The following CCDC92 variants were observed in gnomAD, a reference collection of about 807,000 sequenced individuals.
CCDC92 encodes coiled-coil domain containing 92, also known as coiled-coil domain-containing protein 92.
Under a neutral mutation model 24.9 loss-of-function variants are expected in CCDC92, and 12 were observed. The ratio of observed to expected loss-of-function variants is 0.48; its 90% CI spans 0.31 to 0.78. The LOEUF is 0.78. CCDC92 is among the 30% of genes least tolerant of loss of function. CCDC92 has a pLI of 0.05. For missense variants in CCDC92, 399 were observed against 439.4 expected, an observed-to-expected ratio of 0.91 and a Z score of 0.82; for synonymous variants, 193 against 196.3, an observed-to-expected ratio of 0.98 and a Z score of 0.14.
At chr12:123,950,522 T>TAACAAAGCAGCAAGACTAGCTTAGGAAGA (rs1955999114) in intron 1 of CCDC92, among the ~76,000 whole-genome samples, 2 of 152,138 alleles carry the variant, frequency 1.3e-5, no homozygotes, top group African/African-American at 4.8e-5. Context: ...TCTGGGGCCT[T>TAACAAAGCAGCAAGACTAGCTTAGGAAGA]AACAAAGCAG....
At chr12:123,946,705 G>T (rs554526301) in intron 1 of CCDC92, 1 of 152,488 alleles carries the variant, frequency 6.6e-6, no homozygotes, top group Non-Finnish European at 1.5e-5. Flanking sequence ...CCAGAGGAAT[G>T]TAAGGGCTTC....
chr12:123,969,461 GTTTTTTT>G (rs60485501), intron 1 of CCDC92, among the ~76,000 whole-genome samples: 15 of 93,044 alleles, frequency 1.6e-4, no homozygotes, highest in African/African-American at 3.2e-4. Flanking sequence ...CTCTTATTCA[GTTTTTTT>G]TTTTTTTTTT....
chr12:123,964,611 C>G (rs138331516), intron 1 of CCDC92, among the ~76,000 whole-genome samples: 193 of 152,238 alleles, frequency 1.3e-3, no homozygotes, highest in African/African-American at 4.4e-3. Context: ...TTCACAAAGG[C>G]TAAATTAAAT....
chr12:123,960,957 T>C (rs1258313409), intron 1 of CCDC92: 1 of 152,242 alleles, frequency 6.6e-6, no homozygotes, highest in Non-Finnish European at 1.5e-5. Context: ...GATTCTCCTT[T>C]TAAATATGCA....
rs1011724540 is a variant in CCDC92, at chr12:123,937,235, G to A, written c.819C>T (p.Ser273=). The A allele has an allele frequency of 5.6e-6, 9 of 1,610,244 alleles. No homozygotes were observed. The highest frequency in any genetic ancestry group is 4.5e-5 in the East Asian group (2 of 44,870). Residue 273 remains serine, a synonymous_variant, in exon 5 of 5, where the codon AGC becomes AGT. Transcript: ENST00000238156. This position sits in a 1 kb window ranked among gnomAD's most constrained non-coding sequence, Gnocchi z 8.4. ...CGCGGGCCGGGCTGTGCTGCTCGCCGCTTCGGTCGGAGGCGATGGGGGGGA... is the reference window on the plus strand; with the variant it reads ...CGCGGGCCGGGCTGTGCTGCTCGCCACTTCGGTCGGAGGCGATGGGGGGGA... The part of the protein sequence containing the change: ...LVIPPIASDR[S]GEQHSPAREK...
rs1440878962 is a variant in CCDC92 at position 123,937,251 on chromosome 12, A to T, written c.803T>A (p.Ile268Asn). The change falls in exon 5 of 5, where the codon ATC (isoleucine) becomes AAC (asparagine). Residue 268 changes from isoleucine to asparagine, a missense_variant. By Grantham distance (149) the Ile-to-Asn change is moderately radical (BLOSUM62 -3). Coordinates refer to ENST00000238156, the MANE Select transcript of CCDC92 (RefSeq NM_025140.3). This position sits in a 1 kb window ranked among gnomAD's most constrained non-coding sequence, Gnocchi z 8.4. Reference sequence around the variant, plus strand: ...CTGCTCGCCGCTTCGGTCGGAGGCGATGGGGGGGATGACGAGGGGCCTCTC... The same window carrying T: ...CTGCTCGCCGCTTCGGTCGGAGGCGTTGGGGGGGATGACGAGGGGCCTCTC... The part of the protein sequence containing the change: ...IKERPLVIPP[I>N]ASDRSGEQHS... 1.2e-6 allele frequency: 2 copies of T among 1,611,056 alleles called. No individual in the cohort carries two copies. Among genetic ancestry groups the T allele is most frequent in the South Asian group, 2.2e-5 (2 of 91,062 alleles).
At chr12:123,963,839 G>A (rs1956330003) in intron 1 of CCDC92, among the ~76,000 whole-genome samples, 1 of 152,154 alleles carries the variant, frequency 6.6e-6, no homozygotes, top group Non-Finnish European at 1.5e-5. Context: ...AAACTTTGAT[G>A]TTTAAAGGCT....
chr12:123,968,780 T>A (rs1436161834), intron 1 of CCDC92, among the ~76,000 whole-genome samples: 1 of 152,142 alleles, frequency 6.6e-6, no homozygotes, highest in African/African-American at 2.4e-5. Flanking sequence ...CAAGACAGAG[T>A]AACTATTTTA....
intron 1 of CCDC92, chr12:123,961,025 T>C (rs1956260276): frequency 6.6e-6 from 1 of 152,240 alleles, no homozygotes; most frequent in Admixed American, 6.5e-5. Context: ...GTGTACTCAG[T>C]CCTATGCTTA....
chr12:123,944,252 C>T lies in CCDC92; in HGVS notation c.34+20G>A, dbSNP rs748880097. Reference sequence around the variant, plus strand: ...CCCAGCTTCCAGCATCTGATGCTCACTCAGGGCCCCAGACTCTACCTTCAT... The same window carrying T: ...CCCAGCTTCCAGCATCTGATGCTCATTCAGGGCCCCAGACTCTACCTTCAT... On this transcript the variant is annotated intron_variant, in intron 2 of 4. Transcript: ENST00000238156. 2.0e-6 allele frequency: 3 copies of T among 1,527,650 alleles called. No homozygotes were observed. In the South Asian group the frequency reaches 3.4e-5, roughly 17 times the overall value. 94.6% of individuals were successfully genotyped at this position (1,527,650 alleles called of 1,614,324 possible).
At chr12:123,954,211 G>A (rs1332901813) in intron 1 of CCDC92, among the ~76,000 whole-genome samples, 1 of 152,140 alleles carries the variant, frequency 6.6e-6, no homozygotes, top group African/African-American at 2.4e-5. Context: ...CCATCACCAA[G>A]AATAATTAAT....
At position 123,943,368 on chromosome 12, in the gene CCDC92, G is replaced by T; in HGVS notation, c.160C>A (p.Arg54=). The T allele has an allele frequency of 6.2e-7, 1 of 1,613,636 alleles. No homozygotes were observed. Among genetic ancestry groups the T allele is most frequent in the Non-Finnish European group, 8.5e-7 (1 of 1,180,012 alleles). Residue 54 remains arginine (R), a synonymous_variant, in exon 3 of 5, where the codon CGG becomes AGG. Coordinates refer to ENST00000238156, the MANE Select transcript of CCDC92 (RefSeq NM_025140.3). ...TLKGLHSEIR[R]LQQHCTDLTY... Reference sequence around the variant, plus strand: ...GTACCTGTGCAGTGCTGCTGCAGCCGCCTGATCTCGGAGTGCAGCCCCTTG... The same window carrying T: ...GTACCTGTGCAGTGCTGCTGCAGCCTCCTGATCTCGGAGTGCAGCCCCTTG...
At chr12:123,971,097 G>A (rs1389413101) in intron 1 of CCDC92, among the ~76,000 whole-genome samples, 1 of 152,178 alleles carries the variant, frequency 6.6e-6, no homozygotes, top group Non-Finnish European at 1.5e-5. Context: ...ATGTGTCACA[G>A]TAAAAATCTC....
Position 123,937,391 on chromosome 12 carries a change from G to A in CCDC92, c.663C>T (p.Val221=). 2 of 1,613,984 alleles carry A rather than the reference G, an allele frequency of 1.2e-6. No individual in the cohort carries two copies. Among genetic ancestry groups the A allele is most frequent in the South Asian group, 2.2e-5 (2 of 91,084 alleles). The part of the protein sequence containing the change: ...SAPLHPEFEE[V]YRFGAESRKL... Reference sequence around the variant, plus strand: ...TCCTGCTCTCTGCCCCGAATCTGTAGACCTCTTCAAATTCCGGGTGCAAGG... The same window carrying A: ...TCCTGCTCTCTGCCCCGAATCTGTAAACCTCTTCAAATTCCGGGTGCAAGG... Residue 221 remains valine, a synonymous_variant, in exon 5 of 5, where the codon GTC becomes GTT. Transcript: ENST00000238156. This position sits in a 1 kb window ranked among gnomAD's most constrained non-coding sequence, Gnocchi z 8.4.
intron 1 of CCDC92, among the ~76,000 whole-genome samples, chr12:123,955,900 G>T (rs1383429382): frequency 2.0e-5 from 3 of 152,182 alleles, no homozygotes; most frequent in African/African-American, 7.2e-5. Flanking sequence ...ATAAAGAGAC[G>T]TTATCCTTGT....
intron 1 of CCDC92, chr12:123,971,776 G>C (rs1016116663): frequency 2.2e-4 from 34 of 152,298 alleles, no homozygotes; most frequent in Admixed American, 2.2e-3. Flanking sequence ...GCCAAGCCTG[G>C]AGCTCTGCTG....
chr12:123,969,034 G>C (rs1164242450), intron 1 of CCDC92, among the ~76,000 whole-genome samples: 1 of 152,164 alleles, frequency 6.6e-6, no homozygotes, highest in East Asian at 1.9e-4. Context: ...ACTCTGCTCT[G>C]CTTCTTAGCC....
In CCDC92 at chr12:123,937,367, C is replaced by A; in HGVS notation, c.687G>T (p.Arg229Ser). Residue 229 changes from arginine (R) to serine (S), a missense_variant, in exon 5 of 5, where the codon AGG becomes AGT. Transcript: ENST00000238156. This position sits in a 1 kb window ranked among gnomAD's most constrained non-coding sequence, Gnocchi z 8.4. ...CCACTGGTTCCCGCAAAAGGAGTTT[C>A]CTGCTCTCTGCCCCGAATCTGTAGA... is the stretch of plus-strand genomic sequence containing the variant. Reference protein sequence around the residue: ...EEVYRFGAESRKLLLREPVDA... With the variant: ...EEVYRFGAESSKLLLREPVDA... 6.2e-7 allele frequency: 1 copy of A among 1,614,064 alleles called. No individual in the cohort carries two copies. Among genetic ancestry groups the A allele is most frequent in the Non-Finnish European group, 8.5e-7 (1 of 1,180,034 alleles).
At chr12:123,956,971 T>C (rs988733210) in intron 1 of CCDC92, among the ~76,000 whole-genome samples, 3 of 152,252 alleles carry the variant, frequency 2.0e-5, no homozygotes, top group Admixed American at 6.5e-5. Flanking sequence ...TTTCTTATTC[T>C]TACTGTCCTT....
Sources: gnomAD v4.1 joint callset for allele counts (sites outside exome capture counted in the v4.1 genomes callset) on GRCh38, gnomAD v4.1.1 for gene constraint, Gnocchi (gnomAD v3.1) non-coding constraint, MANE v1.5 for transcripts, NCBI Gene and HGNC (gene_info 2026-07-23, HGNC 2026-07-21) for gene names.